The following DSC1 variants were observed in gnomAD, a reference collection of about 807,000 sequenced individuals.
The protein encoded by DSC1 is desmocollin-1.
A neutral mutation model predicts 98.8 loss-of-function variants in DSC1; 79 were observed. That is an observed-to-expected ratio of 0.80 (90% CI 0.67 to 0.96). The LOEUF (loss-of-function observed/expected upper bound fraction) is 0.96. Among genes scored for constraint, DSC1 ranks in the 50% least tolerant of loss-of-function variants. The pLI is 0.00. For synonymous variants in DSC1, 405 were observed against 372.1 expected, an observed-to-expected ratio of 1.09 and a Z score of -1.02; for missense variants, 1,115 against 1,075.9, an observed-to-expected ratio of 1.04 and a Z score of -0.51.
At chr18:31,147,355 A>G (rs1351241224) in intron 6 of DSC1, among the ~76,000 whole-genome samples, 1 of 152,134 alleles carries the variant, frequency 6.6e-6, no homozygotes, top group Non-Finnish European at 1.5e-5. Flanking sequence ...ATATCTTTAT[A>G]TTTAATATGA....
In DSC1 at chr18:31,158,373, C is replaced by T. The variant is rs111989966; in HGVS notation, c.149-800G>A. ...CTTTCAAGGTTTAGTAAACCCGATG[C>T]GCTGTGGTTATTATCAAATTACCTC... On this transcript the variant is annotated intron_variant, in intron 2 of 15. Coordinates refer to ENST00000257198, the MANE Select transcript of DSC1 (RefSeq NM_024421.2). 1.5e-3 allele frequency among the ~76,000 whole-genome samples: 233 copies of T among 152,260 alleles called. No individual in the cohort carries two copies. In the Middle Eastern group the frequency reaches 0.02, roughly 13 times the overall value.
chr18:31,134,196 A>T (rs1988557835), intron 12 of DSC1, 66 bp from the exon 13 acceptor site: 1 of 1,534,386 alleles, frequency 6.5e-7, no homozygotes, highest in African/African-American at 1.4e-5. Context: ...TTCCTACTCA[A>T]TATTCTCAGT....
Position 31,130,530 on chromosome 18 carries a change from G to A in DSC1, c.2669C>T (p.Thr890Ile). The part of the protein sequence containing the change: ...LEPKFRTLAK[T>I]CIKK ...AAGGCACATTTATTTCTTGATGCATGTCTTTGCTAATGTCCTAAATTTGGG... is the reference window on the plus strand; with the variant it reads ...AAGGCACATTTATTTCTTGATGCATATCTTTGCTAATGTCCTAAATTTGGG... The change falls in exon 16 of 16, where the codon ACA becomes ATA. Residue 890 changes from threonine to isoleucine, a missense_variant. By Grantham distance (89) the Thr-to-Ile change is moderately conservative. Transcript: ENST00000257198. The A allele has an allele frequency of 6.2e-7, 1 of 1,614,136 alleles. No homozygotes were observed. The highest frequency in any genetic ancestry group is 1.1e-5 in the South Asian group (1 of 91,084).
intron 2 of DSC1, among the ~76,000 whole-genome samples, chr18:31,158,132 T>G (rs755432149): frequency 2.0e-4 from 30 of 152,074 alleles, no homozygotes; most frequent in Admixed American, 3.3e-4. Flanking sequence ...CCAAGCATGG[T>G]GGCGTGCACC....
At chr18:31,162,446 A>G in intron 1 of DSC1, 86 bp downstream of exon 1, 6 of 1,261,468 alleles carry the variant, frequency 4.8e-6, no homozygotes, top group Non-Finnish European at 6.9e-6. Context: ...TCCCATCCTC[A>G]CTCCTAGTCT....
intron 4 of DSC1, among the ~76,000 whole-genome samples, chr18:31,155,568 TG>T (rs1989080583): frequency 6.6e-6 from 1 of 152,174 alleles, no homozygotes; most frequent in Non-Finnish European, 1.5e-5. Flanking sequence ...AGGCAGAGGT[TG>T]CGGTGAGCTG....
At chr18:31,144,562 T>C (rs182113161) in intron 7 of DSC1, among the ~76,000 whole-genome samples, 116 of 152,240 alleles carry the variant, frequency 7.6e-4, no homozygotes, top group African/African-American at 2.7e-3. Flanking sequence ...GGGCAAAATA[T>C]AGAGACAGTA....
intron 11 of DSC1, among the ~76,000 whole-genome samples, chr18:31,137,436 G>GA (rs1447581267): frequency 3.3e-5 from 5 of 152,120 alleles, no homozygotes; most frequent in Non-Finnish European, 7.4e-5. Flanking sequence ...TTTTTGCAGT[G>GA]AAATGTATAA....
At chr18:31,139,530 T>G (rs1988683714) in intron 11 of DSC1, among the ~76,000 whole-genome samples, 1 of 152,156 alleles carries the variant, frequency 6.6e-6, no homozygotes, top group African/African-American at 2.4e-5. Context: ...AAATTTATTG[T>G]GATATAATTA....
chr18:31,140,114 C>A lies in DSC1; in HGVS notation c.1448G>T (p.Gly483Val), dbSNP rs769086731. 6.2e-7 allele frequency: 1 copy of A among 1,614,010 alleles called. No individual in the cohort carries two copies. Among genetic ancestry groups the A allele is most frequent in the Non-Finnish European group, 8.5e-7 (1 of 1,179,932 alleles). Residue 483 changes from glycine (G) to valine (V), a missense_variant, in exon 10 of 16, where the codon GGC (glycine) becomes GTC (valine). Gly to Val is a moderately radical substitution (Grantham distance 109, BLOSUM62 -3). Coordinates refer to ENST00000257198, the MANE Select transcript of DSC1 (RefSeq NM_024421.2). Reference protein sequence around the residue: ...PPVKVIQSQDGFPAGQELLGY... With the variant: ...PPVKVIQSQDVFPAGQELLGY... ...AAGGAGTTCTTGGCCAGCTGGGAAG[C>A]CATCTTGACTCTGAATAACTTTCAC... is the stretch of plus-strand genomic sequence containing the variant.
chr18:31,159,280 C>G (rs577305910), intron 2 of DSC1, among the ~76,000 whole-genome samples, 165 bp downstream of exon 2: 1 of 149,612 alleles, frequency 6.7e-6, no homozygotes, highest in Non-Finnish European at 1.5e-5. Flanking sequence ...GTCTCGATCT[C>G]CTGACCTCAT....
chr18:31,145,923 G>T, intron 6 of DSC1, 146 bp from the exon 7 acceptor site: 1 of 884,282 alleles, frequency 1.1e-6, no homozygotes, highest in Non-Finnish European at 1.7e-6. Flanking sequence ...ATGTGAAACT[G>T]TTCTAAATGT....
Position 31,130,394 on chromosome 18 carries a change from T to C in DSC1, c.*120A>G, listed in dbSNP as rs1988457700. 1 of 1,018,876 alleles carries C rather than the reference T, an allele frequency of 9.8e-7. No homozygotes were observed. The highest frequency in any genetic ancestry group is 2.1e-5 in the Admixed American group (1 of 47,074). The allele number at this position is 1,018,876 out of a possible 1,614,324, so 63.1% of individuals were successfully genotyped here. Reference sequence around the variant, plus strand: ...GGGAATCTCATATTTATAGTACCCTTACCTATACATGACAAAGTTTACCTC... The same window carrying C: ...GGGAATCTCATATTTATAGTACCCTCACCTATACATGACAAAGTTTACCTC... On this transcript the variant is annotated 3_prime_UTR_variant, in exon 16 of 16. Transcript: ENST00000257198.
intron 11 of DSC1, among the ~76,000 whole-genome samples, chr18:31,135,172 CT>C (rs1254017515): frequency 2.6e-5 from 4 of 152,150 alleles, no homozygotes; most frequent in Admixed American, 2.6e-4. Context: ...GCATCATATA[CT>C]TTTTTCCCAA....
chr18:31,144,568 C>T (rs965365334), intron 7 of DSC1, among the ~76,000 whole-genome samples: 1 of 152,156 alleles, frequency 6.6e-6, no homozygotes, highest in Middle Eastern at 3.4e-3. Context: ...AATATAGAGA[C>T]AGTAAAAATA....
Position 31,143,650 on chromosome 18 carries a change from T to A in DSC1, c.1074+7A>T, listed in dbSNP as rs751467693. Reference sequence around the variant, plus strand: ...ATCTAGATGAATGAATAGAGAGGTATACTCACAGAAGTTTCTGTGAAAGAT... The same window carrying A: ...ATCTAGATGAATGAATAGAGAGGTAAACTCACAGAAGTTTCTGTGAAAGAT... On this transcript the variant is annotated splice_region_variant and intron_variant, in intron 8 of 15. Transcript: ENST00000257198. The A allele has an allele frequency of 6.4e-7, 1 of 1,567,868 alleles. No individual in the cohort carries two copies. Among genetic ancestry groups the A allele is most frequent in the Non-Finnish European group, 8.6e-7 (1 of 1,157,844 alleles).
Position 31,162,556 on chromosome 18 carries a change from A to G in DSC1, c.39T>C (p.Cys13=), listed in dbSNP as rs772028335. ...LASAAPGSIF[C]KQLLFSLLVL... is the part of the protein sequence containing the mutation. ...CCAGGAGAGAGAAAAGGAGCTGCTT[A>G]CAGAAGATGCTCCCTGGGGCAGCAG... Residue 13 remains cysteine, a synonymous_variant, in exon 1 of 16, where the codon TGT becomes TGC. Coordinates refer to ENST00000257198, the MANE Select transcript of DSC1 (RefSeq NM_024421.2). The G allele has an allele frequency of 9.9e-6, 16 of 1,614,032 alleles. No individual in the cohort carries two copies. The highest frequency in any genetic ancestry group is 1.4e-5 in the Non-Finnish European group (16 of 1,180,024).
rs1396158713 is a variant in DSC1, at chr18:31,132,693, A to G, written c.2117-4T>C. On this transcript the variant is annotated splice_region_variant and splice_polypyrimidine_tract_variant and intron_variant, in intron 13 of 15. Transcript: ENST00000257198. ...CAGAAACATGTAAACAGAATACCTA[A>G]AAAGCAAAAAAGATCAAAGTAAAAC... The G allele has an allele frequency of 1.2e-6, 2 of 1,607,754 alleles. No homozygotes were observed. The highest frequency in any genetic ancestry group is 2.7e-5 in the African/African-American group (2 of 74,624).
At chr18:31,159,596 T>C in intron 1 of DSC1, 67 bp from the exon 2 acceptor site, 1 of 1,387,826 alleles carries the variant, frequency 7.2e-7, no homozygotes, top group South Asian at 1.3e-5. Flanking sequence ...ATTGTAGCTT[T>C]TTCTTATTGA....
Sources: gnomAD v4.1 joint callset for allele counts (sites outside exome capture counted in the v4.1 genomes callset) on GRCh38, gnomAD v4.1.1 for gene constraint, MANE v1.5 for transcripts, NCBI Gene and HGNC (gene_info 2026-07-23, HGNC 2026-07-21) for gene names.